The following PCNX2 variants were observed in gnomAD, a reference collection of about 807,000 sequenced individuals.
The protein encoded by PCNX2 is pecanex-like protein 2.
A neutral mutation model predicts 223.8 loss-of-function variants in PCNX2; 168 were observed. The observed-to-expected ratio is 0.75, with a 90% CI of 0.66 to 0.85. PCNX2 has a LOEUF of 0.85. Among genes scored for constraint, PCNX2 ranks in the 40% least tolerant of loss-of-function variants. The pLI is 0.00. For missense variants in PCNX2, 2,507 were observed against 2,675.5 expected (o/e 0.94, Z 1.39); for synonymous variants, 1,006 against 1,052.6 (o/e 0.96, Z 0.86).
chr1:233,219,319 T>C (rs941046024), intron 10 of PCNX2, among the ~76,000 whole-genome samples: 1 of 148,860 alleles, frequency 6.7e-6, no homozygotes, highest in East Asian at 1.9e-4. Context: ...TAGAGAGAGA[T>C]ACAAAGGATG....
At chr1:233,283,512 A>C (rs1361304800) in intron 1 of PCNX2, among the ~76,000 whole-genome samples, 1 of 152,180 alleles carries the variant, frequency 6.6e-6, no homozygotes, top group African/African-American at 2.4e-5. Context: ...CGTGCTCACA[A>C]ACTGATGAGG....
At position 233,139,857 on chromosome 1, in the gene PCNX2, T is replaced by C. The variant is rs1258117018; in HGVS notation, c.3518-2A>G. On this transcript the variant is annotated splice_acceptor_variant, in intron 19 of 33. Transcript: ENST00000258229. LOFTEE classifies it high-confidence loss of function. The surrounding 1 kb of genome is among the most constrained non-coding windows in gnomAD (Gnocchi z 4.4). ...CGAACCACATTAAATGGGCAACATCTGAAAGAAATATAAAAACCACTTAGA... is the reference window on the plus strand; with the variant it reads ...CGAACCACATTAAATGGGCAACATCCGAAAGAAATATAAAAACCACTTAGA... 6.2e-7 allele frequency: 1 copy of C among 1,610,326 alleles called. No homozygotes were observed. Among genetic ancestry groups the C allele is most frequent in the Non-Finnish European group, 8.5e-7 (1 of 1,178,562 alleles).
At chr1:233,187,302 A>G (rs1305430724) in intron 15 of PCNX2, among the ~76,000 whole-genome samples, 3 of 152,242 alleles carry the variant, frequency 2.0e-5, no homozygotes. Context: ...AGAAAAAAAC[A>G]AGGATTGAAT....
chr1:233,056,687 C>T (rs12086548), intron 24 of PCNX2, among the ~76,000 whole-genome samples: 36,830 of 151,432 alleles, frequency 0.24, 5,838 homozygotes, highest in African/African-American at 0.46. Context: ...GTGAGGAGGA[C>T]AAAAATAGAG....
chr1:233,025,555 T>C (rs1671055374), intron 25 of PCNX2, 156 bp from the exon 26 acceptor site: 1 of 833,890 alleles, frequency 1.2e-6, no homozygotes. Context: ...CCCAAAGAAG[T>C]CACAATTCTC....
chr1:233,194,456 C>A (rs977532541), intron 15 of PCNX2, among the ~76,000 whole-genome samples: 2 of 151,972 alleles, frequency 1.3e-5, no homozygotes, highest in African/African-American at 2.4e-5. Context: ...AAGAAATGTA[C>A]ATTGCAGAAA....
chr1:233,297,222 C>T (rs1662174298), upstream of PCNX2, among the ~76,000 whole-genome samples: 1 of 152,224 alleles, frequency 6.6e-6, no homozygotes, highest in Admixed American at 6.5e-5. Flanking sequence ...TCTGTTCCCA[C>T]ATGGAGGTTG....
Position 233,200,227 on chromosome 1 carries a change from C to A in PCNX2, c.2901G>T (p.Gly967=). The part of the protein sequence containing the change: ...LYCFPAISLL[G]LFPQINTFCT... ...AGAAAGTGTTGATTTGCGGGAAGAG[C>A]CCAAGGAGGGAAATAGCAGGGAAGC... The change falls in exon 14 of 34, where the codon GGG becomes GGT. Residue 967 remains glycine, a synonymous_variant. Coordinates refer to ENST00000258229, the MANE Select transcript of PCNX2 (RefSeq NM_014801.4). 2 of 1,590,388 alleles carry A rather than the reference C, an allele frequency of 1.3e-6. No homozygotes were observed. Among genetic ancestry groups the A allele is most frequent in the Non-Finnish European group, 1.7e-6 (2 of 1,167,888 alleles).
chr1:233,039,365 G>C (rs1218170242), intron 25 of PCNX2, among the ~76,000 whole-genome samples: 1 of 152,094 alleles, frequency 6.6e-6, no homozygotes, highest in Admixed American at 6.6e-5. Context: ...GTGGCCATGG[G>C]CACCTTACTT....
intron 31 of PCNX2, 129 bp from the exon 32 acceptor site, chr1:232,998,567 G>T: frequency 1.1e-6 from 1 of 904,110 alleles, no homozygotes; most frequent in Non-Finnish European, 1.6e-6. Context: ...CACCTGGCAT[G>T]CTGGTGGGAA....
chr1:233,261,371 C>G (rs1227077573), intron 3 of PCNX2, 50 bp from the exon 4 acceptor site: 1 of 1,552,856 alleles, frequency 6.4e-7, no homozygotes, highest in South Asian at 1.1e-5. Flanking sequence ...GCTGACCGTC[C>G]ATTTCCAGAC....
intron 23 of PCNX2, 128 bp from the exon 24 acceptor site, chr1:233,057,418 T>C (rs1472241550): frequency 1.2e-5 from 9 of 726,126 alleles, no homozygotes; most frequent in Non-Finnish European, 1.9e-5. Flanking sequence ...AGACGATTGC[T>C]GTAGTTTTAC....
At chr1:233,019,681 A>C (rs1022135912) in intron 26 of PCNX2, among the ~76,000 whole-genome samples, 3 of 152,136 alleles carry the variant, frequency 2.0e-5, no homozygotes. Context: ...CAGCAGTAGC[A>C]GCAGCCCAGG....
At chr1:233,157,907 G>T (rs940818351) in intron 19 of PCNX2, among the ~76,000 whole-genome samples, 2 of 152,154 alleles carry the variant, frequency 1.3e-5, no homozygotes, top group Admixed American at 6.5e-5. Context: ...AGCTAGTGTA[G>T]GTAGGTGAGA....
At chr1:233,141,769 GTA>G (rs749307618) in intron 19 of PCNX2, among the ~76,000 whole-genome samples, 82 of 118,580 alleles carry the variant, frequency 6.9e-4, no homozygotes, top group South Asian at 5.6e-3. Context: ...GTGTGTATAT[GTA>G]TATGTGTGTG....
At position 233,258,993 on chromosome 1, in the gene PCNX2, C is replaced by A. The variant is rs371159887; in HGVS notation, c.869G>T (p.Cys290Phe). 1 of 1,613,888 alleles carries A rather than the reference C, an allele frequency of 6.2e-7. No homozygotes were observed. The highest frequency in any genetic ancestry group is 2.2e-5 in the East Asian group (1 of 44,862). ...NSVLIPEPVS[C>F]PRGSIRERVQ... is the part of the protein sequence containing the mutation. The stretch of plus-strand genomic sequence containing the variant: ...CCGTTCCCTTATGGAGCCCCGGGGA[C>A]AACTGACAGGTTCTGGAATCAGGAC... The change falls in exon 5 of 34, where the codon TGT (cysteine) becomes TTT (phenylalanine). Residue 290 changes from cysteine to phenylalanine, a missense_variant. By Grantham distance (205) the Cys-to-Phe change is radical. Around this residue, in one of 3 missense-constraint regions of PCNX2, gnomAD observed 1,031 missense variants for 1,021.7 expected, o/e 1.01. Coordinates refer to ENST00000258229, the MANE Select transcript of PCNX2 (RefSeq NM_014801.4).
chr1:233,073,824 C>T lies in PCNX2; in HGVS notation c.4076+16237G>A, dbSNP rs542911433. Among the ~76,000 whole-genome samples, 7 of 152,136 alleles carry T rather than the reference C, an allele frequency of 4.6e-5. No homozygotes were observed. The East Asian group carries it at 1.4e-3, about 29-fold the overall frequency. On this transcript the variant is annotated intron_variant, in intron 23 of 33. Transcript: ENST00000258229. ...AGAGACCCATCTATCACTATGTTGCCCAGGCTGGTGGTATTAAACTTTTGA... is the reference window on the plus strand; with the variant it reads ...AGAGACCCATCTATCACTATGTTGCTCAGGCTGGTGGTATTAAACTTTTGA...
chr1:233,304,588 T>C, the PCNX2 span, among the ~76,000 whole-genome samples: 2 of 152,164 alleles, frequency 1.3e-5, no homozygotes, highest in African/African-American at 4.8e-5. Flanking sequence ...AAATGCCAGT[T>C]ATTATGAGAT....
chr1:233,173,946 C>T (rs1679310851), intron 17 of PCNX2, among the ~76,000 whole-genome samples: 1 of 151,174 alleles, frequency 6.6e-6, no homozygotes, highest in Non-Finnish European at 1.5e-5. Context: ...ATAGTATGCA[C>T]AGAAAAGTTT....
Sources: allele counts gnomAD v4.1 joint callset (sites outside exome capture counted in the v4.1 genomes callset), GRCh38; gene constraint gnomAD v4.1.1; regional missense constraint gnomAD v4.1.1; non-coding constraint Gnocchi (gnomAD v3.1); transcripts MANE v1.5; gene names NCBI Gene and HGNC (gene_info 2026-07-23, HGNC 2026-07-21).